Variants in CCSER2 observed in about 807,000 individuals in gnomAD.
The protein encoded by CCSER2 is coiled-coil serine rich protein 2.
In CCSER2, 46 loss-of-function variants were observed where a neutral mutation model predicts 92.3. That is an observed-to-expected ratio of 0.50 (90% CI 0.39 to 0.64). The LOEUF (loss-of-function observed/expected upper bound fraction) is 0.64, where lower values mean the gene tolerates loss of function less well. Among genes scored for constraint, CCSER2 ranks in the 30% least tolerant of loss-of-function variants. The pLI, the probability that CCSER2 is intolerant of heterozygous loss-of-function variation, is 0.00. For synonymous variants in CCSER2, 433 were observed against 431.4 expected (o/e 1.00, Z -0.04); for missense variants, 1,244 against 1,238.9 (o/e 1.00, Z -0.06).
chr10:84,482,332 G>A (rs951424568), intron 9 of CCSER2, among the ~76,000 whole-genome samples: 4 of 152,194 alleles, frequency 2.6e-5, no homozygotes, highest in Non-Finnish European at 4.4e-5. Context: ...TATGGAAGAT[G>A]CCTAATCATT....
chr10:84,486,278 C>T (rs547726658), intron 9 of CCSER2, among the ~76,000 whole-genome samples: 72 of 152,288 alleles, frequency 4.7e-4, no homozygotes, highest in African/African-American at 1.6e-3. Context: ...ATGGCTGGGT[C>T]AAATGGTATT....
intron 3 of CCSER2, among the ~76,000 whole-genome samples, chr10:84,401,528 G>A (rs1371745380): frequency 7.2e-5 from 11 of 152,024 alleles, no homozygotes; most frequent in Admixed American, 7.2e-4. Context: ...AACCATTAAA[G>A]AATTTACTCT....
chr10:84,349,262 T>G lies in CCSER2; in HGVS notation c.-40+20454T>G, dbSNP rs545879126. On this transcript the variant is annotated intron_variant, in intron 1 of 9. Coordinates refer to ENST00000372088, the MANE Select transcript of CCSER2 (RefSeq NM_001284240.2). ...CCTGTCGCAGAAAATGACAGCACAA[T>G]CCCATTAATTGTTCAAGCCAGAAAC... Among the ~76,000 whole-genome samples the G allele has an allele frequency of 1.9e-4, 29 of 152,230 alleles. 1 individual carries two copies. In the East Asian group the frequency reaches 4.6e-3, roughly 24 times the overall value.
chr10:84,414,664 C>T (rs1442408795), intron 3 of CCSER2, among the ~76,000 whole-genome samples: 1 of 151,492 alleles, frequency 6.6e-6, no homozygotes, highest in African/African-American at 2.4e-5. Flanking sequence ...TATTGGGGTT[C>T]TCTGCAGTTC....
chr10:84,401,979 C>T (rs1842141125), intron 3 of CCSER2, among the ~76,000 whole-genome samples: 1 of 152,198 alleles, frequency 6.6e-6, no homozygotes, highest in Non-Finnish European at 1.5e-5. Flanking sequence ...CCACAGCTTG[C>T]ATTAAATGGA....
chr10:84,437,211 C>T (rs1339863132), intron 5 of CCSER2, among the ~76,000 whole-genome samples: 7 of 151,384 alleles, frequency 4.6e-5, no homozygotes, highest in Admixed American at 6.6e-5. Context: ...ACAGCGAGGG[C>T]GATTTCACAT....
chr10:84,431,295 A>G (rs1370460854), intron 5 of CCSER2, among the ~76,000 whole-genome samples: 1 of 152,152 alleles, frequency 6.6e-6, no homozygotes, highest in African/African-American at 2.4e-5. Context: ...ACTCCTGGTA[A>G]ATACTGATCT....
chr10:84,354,313 CTT>C (rs1281609888), intron 1 of CCSER2, among the ~76,000 whole-genome samples: 1 of 149,634 alleles, frequency 6.7e-6, no homozygotes, highest in African/African-American at 2.5e-5. Context: ...CTGTTTATCT[CTT>C]TATTCTTGAA....
At chr10:84,391,438 T>C in intron 3 of CCSER2, 1 of 1,556,698 alleles carries the variant, frequency 6.4e-7, no homozygotes, top group Non-Finnish European at 8.9e-7. Context: ...AGAGTTATTT[T>C]GCCCTGTTAG....
intron 1 of CCSER2, among the ~76,000 whole-genome samples, chr10:84,352,542 T>C (rs138965652): frequency 6.6e-6 from 1 of 151,842 alleles, no homozygotes; most frequent in East Asian, 1.9e-4. Context: ...GGTTTCTGTA[T>C]ATATAAAAGT....
At chr10:84,458,345 G>A (rs1382377582) in intron 6 of CCSER2, among the ~76,000 whole-genome samples, 1 of 152,096 alleles carries the variant, frequency 6.6e-6, no homozygotes, top group Admixed American at 6.6e-5. Context: ...AAATGCCTTT[G>A]ACCATAAATG....
chr10:84,420,397 C>G (rs1163095728), intron 4 of CCSER2, among the ~76,000 whole-genome samples: 1 of 152,100 alleles, frequency 6.6e-6, no homozygotes, highest in Non-Finnish European at 1.5e-5. Context: ...AATATGTAGC[C>G]TCCTGAGGCA....
intron 8 of CCSER2, among the ~76,000 whole-genome samples, chr10:84,471,347 T>G (rs1218980585): frequency 6.6e-6 from 1 of 151,662 alleles, no homozygotes; most frequent in African/African-American, 2.4e-5. Flanking sequence ...AAAAGGAAAA[T>G]AATAAGGCCT....
At chr10:84,400,654 C>T (rs1842070519) in intron 3 of CCSER2, among the ~76,000 whole-genome samples, 1 of 152,178 alleles carries the variant, frequency 6.6e-6, no homozygotes, top group East Asian at 1.9e-4. Context: ...TGGTGCATGC[C>T]TGTAATCCCA....
At chr10:84,485,713 T>C (rs1847766102) in intron 9 of CCSER2, among the ~76,000 whole-genome samples, 1 of 152,222 alleles carries the variant, frequency 6.6e-6, no homozygotes, top group Non-Finnish European at 1.5e-5. Flanking sequence ...ATCAGCATTT[T>C]TCAGTTTTCA....
intron 8 of CCSER2, among the ~76,000 whole-genome samples, chr10:84,474,791 T>G (rs1436922408): frequency 2.0e-5 from 3 of 152,118 alleles, no homozygotes; most frequent in Non-Finnish European, 4.4e-5. Flanking sequence ...GCAACTCTTA[T>G]ATAAGCCCTA....
intron 1 of CCSER2, among the ~76,000 whole-genome samples, chr10:84,339,014 GA>G (rs1844014803): frequency 6.6e-6 from 1 of 151,686 alleles, no homozygotes; most frequent in Non-Finnish European, 1.5e-5. Flanking sequence ...CCAAGTTTTG[GA>G]TTTCCGAAAC....
At position 84,336,170 on chromosome 10, in the gene CCSER2, T is replaced by C. The variant is rs201350133; in HGVS notation, c.-40+7362T>C. 5.3e-5 allele frequency among the ~76,000 whole-genome samples: 8 copies of C among 152,336 alleles called. 1 individual carries two copies. The East Asian group carries it at 1.5e-3, about 29-fold the overall frequency. On this transcript the variant is annotated intron_variant, in intron 1 of 9. Coordinates refer to ENST00000372088, the MANE Select transcript of CCSER2 (RefSeq NM_001284240.2). ...TCTTGCAGTCATGTTTTTCCAGGACTTGAGATGTTTTACATTCTAAATTCC... is the reference window on the plus strand; with the variant it reads ...TCTTGCAGTCATGTTTTTCCAGGACCTGAGATGTTTTACATTCTAAATTCC...
intron 6 of CCSER2, among the ~76,000 whole-genome samples, chr10:84,459,767 G>A (rs1450921803): frequency 2.0e-5 from 3 of 152,082 alleles, no homozygotes; most frequent in East Asian, 1.9e-4. Flanking sequence ...CAAGCGACCT[G>A]CCCCTCTTGG....
Sources: gnomAD v4.1 joint callset for allele counts (sites outside exome capture counted in the v4.1 genomes callset) on GRCh38, gnomAD v4.1.1 for gene constraint, MANE v1.5 for transcripts, NCBI Gene and HGNC (gene_info 2026-07-23, HGNC 2026-07-21) for gene names.